Variants in MARCHF11 observed in about 807,000 individuals in gnomAD.
MARCHF11 encodes membrane associated ring-CH-type finger 11, also known as E3 ubiquitin-protein ligase MARCHF11.
Under a neutral mutation model 37.3 loss-of-function variants are expected in MARCHF11, and 29 were observed. That is an observed-to-expected ratio of 0.78 (90% CI 0.58 to 1.06). The LOEUF (loss-of-function observed/expected upper bound fraction) is 1.06, where lower values mean the gene tolerates loss of function less well. Ranked by LOEUF, MARCHF11 falls within the 50% of genes least tolerant of loss-of-function variation. MARCHF11 has a pLI of 0.00. For synonymous variants in MARCHF11, 233 were observed against 228.0 expected (o/e 1.02, Z -0.20); for missense variants, 482 against 533.4 (o/e 0.90, Z 0.95).
At chr5:16,125,617 C>CTGTGTG (rs1341847972) in intron 2 of MARCHF11, among the ~76,000 whole-genome samples, 2 of 116,924 alleles carry the variant, frequency 1.7e-5, no homozygotes, top group African/African-American at 6.8e-5. Context: ...CTGGCACACT[C>CTGTGTG]TCTGTGTGTG....
intron 2 of MARCHF11, among the ~76,000 whole-genome samples, chr5:16,158,614 T>A (rs937229053): frequency 2.0e-5 from 3 of 151,902 alleles, no homozygotes; most frequent in East Asian, 1.9e-4. Context: ...TCACAGAATA[T>A]AAAATAAGGG....
chr5:16,087,931 C>T (rs1579679618), intron 3 of MARCHF11, among the ~76,000 whole-genome samples: 1 of 152,288 alleles, frequency 6.6e-6, no homozygotes, highest in South Asian at 2.1e-4. Context: ...GAATAATCTT[C>T]TACAGATTTT....
intron 3 of MARCHF11, among the ~76,000 whole-genome samples, chr5:16,079,275 C>G (rs911107052): frequency 1.3e-5 from 2 of 152,324 alleles, no homozygotes; most frequent in African/African-American, 4.8e-5. Context: ...CTCCCACTCA[C>G]CCACCTTCTT....
At chr5:16,135,976 G>A (rs578051473) in intron 2 of MARCHF11, among the ~76,000 whole-genome samples, 2 of 151,954 alleles carry the variant, frequency 1.3e-5, no homozygotes, top group East Asian at 3.9e-4. Context: ...AAAATGATGT[G>A]GGAAGATCTT....
rs1480080642 is a variant in MARCHF11, at chr5:16,179,440, G to A, written c.136C>T (p.Pro46Ser). 20 of 1,114,500 alleles carry A rather than the reference G, an allele frequency of 1.8e-5. No individual in the cohort carries two copies. The highest frequency in any genetic ancestry group is 2.1e-5 in the Non-Finnish European group (19 of 914,222). The allele number at this position is 1,114,500 out of a possible 1,614,324, so 69.0% of individuals were successfully genotyped here. ...GCGGGCAGCGGCGGCAGGTAGCGCG[G>A]GGCCGCGGGGACCGGGGCCGGCTCT... is the stretch of plus-strand genomic sequence containing the variant. ...PGEPAPVPAA[P>S]RYLPPLPASP... is the part of the protein sequence containing the mutation. The change falls in exon 1 of 4, where the codon CCG becomes TCG. Residue 46 changes from proline (P) to serine (S), a missense_variant. Transcript: ENST00000332432.
chr5:16,145,609 G>A (rs1737784002), intron 2 of MARCHF11, among the ~76,000 whole-genome samples: 1 of 151,984 alleles, frequency 6.6e-6, no homozygotes, highest in Admixed American at 6.6e-5. Flanking sequence ...TAGAATTAGG[G>A]ACAAAATATA....
intron 2 of MARCHF11, among the ~76,000 whole-genome samples, chr5:16,145,246 T>A (rs140383097): frequency 3.6e-4 from 55 of 152,262 alleles, no homozygotes; most frequent in African/African-American, 1.3e-3. Flanking sequence ...ATTCATGTGT[T>A]AGAAACTGAA....
At chr5:16,142,281 T>C (rs181977089) in intron 2 of MARCHF11, among the ~76,000 whole-genome samples, 155 of 152,318 alleles carry the variant, frequency 1.0e-3, no homozygotes, top group African/African-American at 3.3e-3. Context: ...GAACTCACAA[T>C]CATGATACGG....
intron 3 of MARCHF11, among the ~76,000 whole-genome samples, chr5:16,088,549 A>G (rs1736737760): frequency 6.6e-6 from 1 of 152,196 alleles, no homozygotes; most frequent in Non-Finnish European, 1.5e-5. Context: ...CAGACATGTG[A>G]ATTAATTTGA....
intron 2 of MARCHF11, among the ~76,000 whole-genome samples, chr5:16,122,792 G>A (rs1268259246): frequency 6.6e-6 from 1 of 152,098 alleles, no homozygotes; most frequent in African/African-American, 2.4e-5. Context: ...TTTCAGAGTG[G>A]AAAGCACATC....
intron 2 of MARCHF11, among the ~76,000 whole-genome samples, chr5:16,143,740 ATT>A (rs370414809): frequency 3.7e-4 from 56 of 152,276 alleles, no homozygotes; most frequent in Middle Eastern, 6.8e-3. Flanking sequence ...TATTTGAGAA[ATT>A]TTTGTCTGGG....
At chr5:16,175,759 G>T (rs932514047) in intron 2 of MARCHF11, among the ~76,000 whole-genome samples, 2 of 152,172 alleles carry the variant, frequency 1.3e-5, no homozygotes, top group Non-Finnish European at 2.9e-5. Flanking sequence ...TGCATCTGAC[G>T]TAGTCCTGGA....
At chr5:16,091,422 A>G (rs1736789705) in intron 2 of MARCHF11, among the ~76,000 whole-genome samples, 1 of 152,242 alleles carries the variant, frequency 6.6e-6, no homozygotes, top group Admixed American at 6.5e-5. Flanking sequence ...ATACACTCTG[A>G]ACATACATGG....
At chr5:16,124,437 G>A (rs1370208439) in intron 2 of MARCHF11, among the ~76,000 whole-genome samples, 4 of 152,182 alleles carry the variant, frequency 2.6e-5, no homozygotes, top group Non-Finnish European at 5.9e-5. Flanking sequence ...TCACTTGTTA[G>A]AATGTAGTGG....
chr5:16,083,683 T>C (rs1038433969), intron 3 of MARCHF11, among the ~76,000 whole-genome samples: 2 of 152,232 alleles, frequency 1.3e-5, no homozygotes, highest in African/African-American at 4.8e-5. Flanking sequence ...AACTCCTGAA[T>C]CATGCTGAGA....
intron 2 of MARCHF11, among the ~76,000 whole-genome samples, chr5:16,139,294 G>A (rs535442569): frequency 6.6e-6 from 1 of 152,274 alleles, no homozygotes; most frequent in Admixed American, 6.5e-5. Flanking sequence ...ATAAATGGGA[G>A]TTCCCCTGCT....
chr5:16,171,094 C>A (rs1405900675), intron 2 of MARCHF11, among the ~76,000 whole-genome samples: 1 of 151,890 alleles, frequency 6.6e-6, no homozygotes, highest in Non-Finnish European at 1.5e-5. Context: ...AATAGCATTT[C>A]TTTTATTTAT....
In MARCHF11 at chr5:16,177,840, C is replaced by A. The variant is rs114849718; in HGVS notation, c.579G>T (p.Arg193=). The A allele has an allele frequency of 6.2e-7, 1 of 1,612,822 alleles. No individual in the cohort carries two copies. ...TTAGCAGGCACAGCTGATGTGTATA[C>A]CGAACTGACCCATCACATCGGCAGG... ...LNPCRCDGSV[R]YTHQLCLLKW... The change falls in exon 2 of 4, where the codon CGG becomes CGT. Residue 193 remains arginine (R), a synonymous_variant. Coordinates refer to ENST00000332432, the MANE Select transcript of MARCHF11 (RefSeq NM_001102562.3).
intron 2 of MARCHF11, among the ~76,000 whole-genome samples, chr5:16,151,638 G>A (rs935751736): frequency 2.4e-5 from 3 of 126,886 alleles, no homozygotes; most frequent in East Asian, 4.7e-4. Flanking sequence ...GTGTGTGCAT[G>A]CGTGAGTTGA....
Sources: allele counts gnomAD v4.1 joint callset (sites outside exome capture counted in the v4.1 genomes callset), GRCh38; gene constraint gnomAD v4.1.1; transcripts MANE v1.5; gene names NCBI Gene and HGNC (gene_info 2026-07-23, HGNC 2026-07-21).